The following IL21R variants were observed in gnomAD, a reference collection of about 807,000 sequenced individuals.
IL21R encodes interleukin-21 receptor.
A neutral mutation model predicts 41.3 loss-of-function variants in IL21R; 14 were observed. That is an observed-to-expected ratio of 0.34 (90% CI 0.22 to 0.53). The LOEUF (loss-of-function observed/expected upper bound fraction) is 0.53. Among genes scored for constraint, IL21R ranks in the 20% least tolerant of loss-of-function variants. IL21R has a pLI of 0.94. For missense variants in IL21R, 588 were observed against 681.6 expected (o/e 0.86, Z 1.53); for synonymous variants, 286 against 287.6 (o/e 0.99, Z 0.05).
At chr16:27,434,498 T>A in intron 3 of IL21R, 49 bp downstream of exon 3, 1 of 1,168,120 alleles carries the variant, frequency 8.6e-7, no homozygotes, top group Non-Finnish European at 1.3e-6. Flanking sequence ...TCAGGGTGCC[T>A]GCTCAGTGAT....
rs116420278 is a variant in IL21R, at chr16:27,449,574, G to T, written c.*291G>T. 1,165 of 484,612 alleles carry T rather than the reference G, an allele frequency of 2.4e-3. 14 individuals carry two copies. The highest frequency in any genetic ancestry group is 0.021 in the African/African-American group (1,101 of 52,352). 30.0% of individuals were successfully genotyped at this position (484,612 alleles called of 1,614,324 possible). On this transcript the variant is annotated 3_prime_UTR_variant, in exon 9 of 9. Coordinates refer to ENST00000337929, the MANE Select transcript of IL21R (RefSeq NM_181078.3). Reference sequence around the variant, plus strand: ...GGTACTCCATGCATTCACCTGCCCTGTGCATGTCTGGACTCACGGAGCTCA... The same window carrying T: ...GGTACTCCATGCATTCACCTGCCCTTTGCATGTCTGGACTCACGGAGCTCA...
At chr16:27,438,374 G>A (rs1036401020) in intron 4 of IL21R, among the ~76,000 whole-genome samples, 6 of 152,152 alleles carry the variant, frequency 3.9e-5, no homozygotes, top group African/African-American at 1.4e-4. Context: ...AGGTAGAGGG[G>A]GGTCCCAGGG....
At chr16:27,440,248 T>TATATATATATATATATATAGAGAG (rs1352160946) in intron 4 of IL21R, among the ~76,000 whole-genome samples, 2 of 64,034 alleles carry the variant, frequency 3.1e-5, no homozygotes, top group Admixed American at 1.8e-4. Flanking sequence ...TATATATATA[T>TATATATATATATATATATAGAGAG]AGAGAGAGAG....
chr16:27,446,849 C>G (rs1039922577), intron 8 of IL21R, among the ~76,000 whole-genome samples: 5 of 152,224 alleles, frequency 3.3e-5, no homozygotes, highest in Admixed American at 3.3e-4. Flanking sequence ...GTTGTCTGTG[C>G]CCATTTACAG....
chr16:27,409,163 C>T, intron 1 of IL21R, among the ~76,000 whole-genome samples: 1 of 133,860 alleles, frequency 7.5e-6, no homozygotes, highest in South Asian at 2.7e-4. Context: ...TTCTCTCTCT[C>T]TCCATATATA....
chr16:27,424,187 G>A (rs553023677), intron 1 of IL21R, among the ~76,000 whole-genome samples: 1 of 152,196 alleles, frequency 6.6e-6, no homozygotes, highest in Non-Finnish European at 1.5e-5. Flanking sequence ...CAATTCTCCT[G>A]CCTCAGCCTC....
At chr16:27,416,368 C>T (rs1250842820) in intron 1 of IL21R, among the ~76,000 whole-genome samples, 1 of 152,130 alleles carries the variant, frequency 6.6e-6, no homozygotes, top group Non-Finnish European at 1.5e-5. Flanking sequence ...GAACTCCTGA[C>T]CTCAGGTCAT....
At chr16:27,435,630 T>C (rs2141292551) in intron 3 of IL21R, among the ~76,000 whole-genome samples, 1 of 151,702 alleles carries the variant, frequency 6.6e-6, no homozygotes, top group East Asian at 2.0e-4. Context: ...ATTTTTGTAG[T>C]TTTTGTAAAG....
chr16:27,427,319 G>C lies in IL21R; in HGVS notation c.-16-2737G>C, dbSNP rs1220566967. The C allele has an allele frequency of 3.0e-6, 3 of 985,460 alleles. No individual in the cohort carries two copies. In the African/African-American group the frequency reaches 5.2e-5, roughly 17 times the overall value. The allele number at this position is 985,460 out of a possible 1,614,324, so 61.0% of individuals were successfully genotyped here. A position where few individuals can be genotyped will look rare whatever the true frequency, so the allele number is the denominator to read the frequency against. On this transcript the variant is annotated intron_variant, in intron 1 of 8. Coordinates refer to ENST00000337929, the MANE Select transcript of IL21R (RefSeq NM_181078.3). The stretch of plus-strand genomic sequence containing the variant: ...AGACGCCGGGCAGGCAGAAGCAGCA[G>C]GTACCCCCTCCACATCCCTAGGGCT...
intron 1 of IL21R, among the ~76,000 whole-genome samples, chr16:27,408,913 C>T (rs917893843): frequency 1.3e-5 from 2 of 152,142 alleles, no homozygotes; most frequent in African/African-American, 4.8e-5. Flanking sequence ...AACTTGGGTT[C>T]TTTCCAGTGT....
At chr16:27,446,902 G>C (rs1381942401) in intron 8 of IL21R, among the ~76,000 whole-genome samples, 5 of 152,250 alleles carry the variant, frequency 3.3e-5, no homozygotes, top group Non-Finnish European at 7.3e-5. Flanking sequence ...CTGCCACAGA[G>C]AGGATGTGGT....
At chr16:27,417,911 G>A (rs780736048) in intron 1 of IL21R, among the ~76,000 whole-genome samples, 32 of 152,030 alleles carry the variant, frequency 2.1e-4, no homozygotes, top group Non-Finnish European at 3.1e-4. Flanking sequence ...GTACACTCCT[G>A]TAAACTTTAT....
At chr16:27,442,445 G>C (rs1013681293) in intron 4 of IL21R, among the ~76,000 whole-genome samples, 10 of 152,210 alleles carry the variant, frequency 6.6e-5, no homozygotes, top group Middle Eastern at 3.4e-3. Flanking sequence ...CTCACTCCAA[G>C]CTCTGCCTCC....
At chr16:27,436,080 G>C (rs370612743) in intron 3 of IL21R, among the ~76,000 whole-genome samples, 23 of 152,276 alleles carry the variant, frequency 1.5e-4, no homozygotes, top group African/African-American at 3.6e-4. Context: ...TCAGGAGCCC[G>C]CAGGGTTGGT....
chr16:27,432,062 A>G (rs1250296304), intron 2 of IL21R, among the ~76,000 whole-genome samples: 1 of 152,232 alleles, frequency 6.6e-6, no homozygotes, highest in Non-Finnish European at 1.5e-5. Flanking sequence ...TTATAGCATC[A>G]ATAATTCATT....
chr16:27,429,454 TAGTC>T (rs1371153179), intron 1 of IL21R, among the ~76,000 whole-genome samples: 2 of 152,032 alleles, frequency 1.3e-5, no homozygotes, highest in Non-Finnish European at 2.9e-5. Context: ...AAGGGCAAAA[TAGTC>T]AGCAGTCTCC....
intron 4 of IL21R, among the ~76,000 whole-genome samples, chr16:27,440,248 T>TATAGAGAGAG (rs1352160946): frequency 0.012 from 793 of 64,012 alleles, 3 homozygotes; most frequent in Non-Finnish European, 0.016. Flanking sequence ...TATATATATA[T>TATAGAGAGAG]AGAGAGAGAG....
intron 4 of IL21R, among the ~76,000 whole-genome samples, chr16:27,438,371 G>C (rs1434134346): frequency 6.6e-6 from 1 of 152,160 alleles, no homozygotes; most frequent in Non-Finnish European, 1.5e-5. Context: ...TGGAGGTAGA[G>C]GGGGGTCCCA....
intron 3 of IL21R, among the ~76,000 whole-genome samples, chr16:27,436,874 A>C (rs2087279736): frequency 6.6e-6 from 1 of 152,146 alleles, no homozygotes; most frequent in African/African-American, 2.4e-5. Flanking sequence ...GGAGTTTGAG[A>C]CCAGCCTAAG....
Sources: gnomAD v4.1 joint callset for allele counts (sites outside exome capture counted in the v4.1 genomes callset) on GRCh38, gnomAD v4.1.1 for gene constraint, MANE v1.5 for transcripts, NCBI Gene and HGNC (gene_info 2026-07-23, HGNC 2026-07-21) for gene names.